RYR3: variants seen among roughly 807,000 people sequenced by gnomAD.
The protein encoded by RYR3 is brain ryanodine receptor-calcium release channel.
A neutral mutation model predicts 584.3 loss-of-function variants in RYR3; 207 were observed. The ratio of observed to expected loss-of-function variants is 0.35; its 90% confidence interval spans 0.32 to 0.40. The LOEUF is 0.40. Ranked by LOEUF, RYR3 falls within the 10% of genes least tolerant of loss-of-function variation. RYR3 has a pLI of 1.00. For missense variants in RYR3, 5,616 were observed against 6,089.2 expected (o/e 0.92, Z 2.59); for synonymous variants, 2,416 against 2,248.5 (o/e 1.07, Z -2.11).
intron 27 of RYR3, among the ~76,000 whole-genome samples, chr15:33,641,915 C>T (rs773225347): frequency 1.8e-4 from 27 of 152,194 alleles, no homozygotes; most frequent in Admixed American, 9.2e-4. Flanking sequence ...AAATCTGGGG[C>T]ATTCATCCCC....
intron 97 of RYR3, 75 bp downstream of exon 97, chr15:33,854,524 A>T (rs1041378375): frequency 8.6e-5 from 112 of 1,295,122 alleles, no homozygotes; most frequent in Non-Finnish European, 1.1e-4. Context: ...GCTATGCAGG[A>T]TGCTCAGAAG....
intron 32 of RYR3, among the ~76,000 whole-genome samples, chr15:33,656,636 T>C (rs2062837416): frequency 6.6e-6 from 1 of 152,240 alleles, no homozygotes; most frequent in South Asian, 2.1e-4. Flanking sequence ...CAGGCTCATC[T>C]GGAGGCTCTA....
intron 38 of RYR3, among the ~76,000 whole-genome samples, chr15:33,686,747 G>C (rs929166958): frequency 6.6e-6 from 1 of 152,142 alleles, no homozygotes; most frequent in African/African-American, 2.4e-5. Flanking sequence ...TTCATCCCTG[G>C]GATGCAAGGC....
chr15:33,737,452 AC>A (rs1379959475), intron 49 of RYR3, among the ~76,000 whole-genome samples: 1 of 152,194 alleles, frequency 6.6e-6, no homozygotes, highest in Non-Finnish European at 1.5e-5. Flanking sequence ...GGCTAGCCAC[AC>A]CTGAAAATCC....
rs2140971229 is a variant in RYR3, at chr15:33,356,430, G to T, written c.51+45334G>T. Among the ~76,000 whole-genome samples the T allele has an allele frequency of 1.3e-5, 2 of 152,280 alleles. 1 individual carries two copies. Among genetic ancestry groups the T allele is most frequent in the South Asian group, 4.1e-4 (2 of 4,822 alleles). Reference sequence around the variant, plus strand: ...AGGTGAGGGTGATCCACATGAAAGTGGCCCTCTGGTTACAGTCTGCCACTT... The same window carrying T: ...AGGTGAGGGTGATCCACATGAAAGTTGCCCTCTGGTTACAGTCTGCCACTT... On this transcript the variant is annotated intron_variant, in intron 1 of 103. Coordinates refer to ENST00000634891, the MANE Select transcript of RYR3 (RefSeq NM_001036.6).
intron 51 of RYR3, among the ~76,000 whole-genome samples, chr15:33,741,830 G>T (rs1257226689): frequency 6.6e-6 from 1 of 152,040 alleles, no homozygotes; most frequent in East Asian, 1.9e-4. Context: ...TAGCCAGGAT[G>T]GTCTCGATTT....
intron 81 of RYR3, among the ~76,000 whole-genome samples, chr15:33,823,538 G>A (rs1567248388): frequency 6.6e-6 from 1 of 152,172 alleles, no homozygotes; most frequent in East Asian, 1.9e-4. Flanking sequence ...ATATGTGTTA[G>A]GGTAGTGTGT....
At chr15:33,858,693 G>A (rs1205884617) in intron 99 of RYR3, 2 of 137,942 alleles carry the variant, frequency 1.4e-5, no homozygotes, top group Non-Finnish European at 3.3e-5. Flanking sequence ...GGTGGGGAGG[G>A]GGAGTCCCGT....
chr15:33,442,625 A>G (rs1448765762), intron 1 of RYR3, among the ~76,000 whole-genome samples: 1 of 152,242 alleles, frequency 6.6e-6, no homozygotes, highest in Admixed American at 6.5e-5. Flanking sequence ...TGACCATATC[A>G]GCAGGTTGCA....
intron 2 of RYR3, among the ~76,000 whole-genome samples, chr15:33,485,484 G>A (rs1156821865): frequency 4.6e-5 from 7 of 152,120 alleles, no homozygotes; most frequent in Middle Eastern, 3.2e-3. Context: ...CAAAATTGCC[G>A]ATACAGTGGA....
intron 38 of RYR3, among the ~76,000 whole-genome samples, chr15:33,685,134 A>G (rs1248377587): frequency 6.6e-6 from 1 of 152,248 alleles, no homozygotes; most frequent in East Asian, 1.9e-4. Context: ...TGCCCCAATT[A>G]AAAGATCTAG....
In RYR3 at chr15:33,731,742, A is replaced by G. The variant is rs140478816; in HGVS notation, c.7424+48A>G. 2.4e-4 allele frequency: 314 copies of G among 1,286,062 alleles called. 1 individual carries two copies. In the African/African-American group the frequency reaches 3.8e-3, roughly 16 times the overall value. The allele number at this position is 1,286,062 out of a possible 1,614,324, so 79.7% of individuals were successfully genotyped here. A position where few individuals can be genotyped will look rare whatever the true frequency, so the allele number is the denominator to read the frequency against. On this transcript the variant is annotated intron_variant, in intron 48 of 103. Transcript: ENST00000634891. ...TACTTCTGTGTATGCATCCAGGTCA[A>G]CTGCATTTTCCTATGTAATCTAAAA...
intron 32 of RYR3, among the ~76,000 whole-genome samples, chr15:33,658,853 C>T (rs1176331616): frequency 6.6e-6 from 1 of 152,152 alleles, no homozygotes; most frequent in Admixed American, 6.6e-5. Context: ...AAATGCCAAA[C>T]CCTTCAACAG....
At chr15:33,758,280 C>A (rs1341899990) in intron 60 of RYR3, among the ~76,000 whole-genome samples, 2 of 152,104 alleles carry the variant, frequency 1.3e-5, no homozygotes, top group African/African-American at 4.8e-5. Flanking sequence ...ACCTGGAATA[C>A]CAGCGAGACA....
intron 15 of RYR3, among the ~76,000 whole-genome samples, chr15:33,585,664 A>G (rs1478044360): frequency 6.6e-6 from 1 of 152,202 alleles, no homozygotes; most frequent in African/African-American, 2.4e-5. Flanking sequence ...TTTTAAATGA[A>G]GTATTATGTG....
intron 1 of RYR3, among the ~76,000 whole-genome samples, chr15:33,348,998 C>A (rs1372901089): frequency 1.3e-5 from 2 of 151,276 alleles, no homozygotes; most frequent in Non-Finnish European, 2.9e-5. Flanking sequence ...TCCGAAAGGT[C>A]ATGTAATTGG....
intron 1 of RYR3, among the ~76,000 whole-genome samples, chr15:33,319,340 C>G (rs1220342153): frequency 2.0e-5 from 3 of 152,186 alleles, no homozygotes; most frequent in Non-Finnish European, 4.4e-5. Flanking sequence ...TCCAAGAGAT[C>G]AGATCAAAAT....
chr15:33,337,123 C>T (rs184909340), intron 1 of RYR3, among the ~76,000 whole-genome samples: 76 of 139,676 alleles, frequency 5.4e-4, no homozygotes, highest in Non-Finnish European at 1.5e-4. Flanking sequence ...AAAGAGAAGG[C>T]ATGAGTAATC....
chr15:33,718,796 C>G (rs1020664437), intron 43 of RYR3, among the ~76,000 whole-genome samples: 10 of 147,982 alleles, frequency 6.8e-5, no homozygotes, highest in Non-Finnish European at 1.0e-4. Flanking sequence ...TCAGGAACAT[C>G]GAAAAGAAAA....
Sources: gnomAD v4.1 joint callset for allele counts (sites outside exome capture counted in the v4.1 genomes callset) on GRCh38, gnomAD v4.1.1 for gene constraint, MANE v1.5 for transcripts, NCBI Gene and HGNC (gene_info 2026-07-23, HGNC 2026-07-21) for gene names.